The following MEIS2 variants were observed in gnomAD, a reference collection of about 807,000 sequenced individuals.
MEIS2 encodes homeobox protein Meis2.
In MEIS2, 9 loss-of-function variants were observed where a neutral mutation model predicts 58.6. The ratio of observed to expected loss-of-function variants is 0.15; its 90% CI spans 0.09 to 0.27. MEIS2 has a LOEUF of 0.27. Ranked by LOEUF, MEIS2 falls within the 10% of genes least tolerant of loss-of-function variation. The pLI, the probability that MEIS2 is intolerant of heterozygous loss-of-function variation, is 1.00. For synonymous variants in MEIS2, 221 were observed against 228.4 expected (o/e 0.97, Z 0.29); for missense variants, 427 against 635.0 (o/e 0.67, Z 3.52).
At chr15:37,054,304 A>G (rs1052593815) in intron 7 of MEIS2, among the ~76,000 whole-genome samples, 2 of 152,208 alleles carry the variant, frequency 1.3e-5, no homozygotes, top group African/African-American at 4.8e-5. Context: ...AGTAGAAATA[A>G]ATTCTAAAAA....
At chr15:36,929,815 G>A (rs1009700399) in intron 9 of MEIS2, among the ~76,000 whole-genome samples, 5 of 152,170 alleles carry the variant, frequency 3.3e-5, no homozygotes, top group Non-Finnish European at 7.3e-5. Context: ...ATTAGGATTG[G>A]TTTGGATTTT....
intron 7 of MEIS2, among the ~76,000 whole-genome samples, chr15:37,078,607 A>AAAAAAAAAAAAAAAAAAAAAAAAC (rs1891760933): frequency 6.5e-4 from 1 of 1,536 alleles, no homozygotes; most frequent in African/African-American, 8.9e-4. Flanking sequence ...AAAACAACCA[A>AAAAAAAAAAAAAAAAAAAAAAAAC]AAAAAAAAAA....
At chr15:37,081,189 T>C (rs146005511) in intron 7 of MEIS2, among the ~76,000 whole-genome samples, 31 of 152,346 alleles carry the variant, frequency 2.0e-4, no homozygotes, top group African/African-American at 7.0e-4. Context: ...TTTATCATAA[T>C]TTGTTTTGAA....
At chr15:36,990,069 C>G (rs1463566652) in intron 8 of MEIS2, among the ~76,000 whole-genome samples, 1 of 152,108 alleles carries the variant, frequency 6.6e-6, no homozygotes, top group South Asian at 2.1e-4. Flanking sequence ...CTCAGCCTCC[C>G]AAGTAGCTGG....
At chr15:36,968,484 G>A (rs1436251618) in intron 8 of MEIS2, among the ~76,000 whole-genome samples, 1 of 152,192 alleles carries the variant, frequency 6.6e-6, no homozygotes, top group East Asian at 1.9e-4. Context: ...AGGAGAAGAG[G>A]TGGAGAGGCG....
chr15:36,918,408 A>T (rs1851209404), intron 9 of MEIS2, among the ~76,000 whole-genome samples: 1 of 128,508 alleles, frequency 7.8e-6, no homozygotes, highest in Non-Finnish European at 1.9e-5. Flanking sequence ...TAACCTGAAG[A>T]TGCAATGTGA....
rs142574964 is a variant in MEIS2 at position 37,038,218 on chromosome 15, T to C, written c.755-1259A>G. Among the ~76,000 whole-genome samples the C allele has an allele frequency of 1.4e-4, 22 of 152,330 alleles. No individual in the cohort carries two copies. The East Asian group carries it at 4.3e-3, about 29-fold the overall frequency. On this transcript the variant is annotated intron_variant, in intron 7 of 11. Coordinates refer to ENST00000561208, the MANE Select transcript of MEIS2 (RefSeq NM_170675.5). ...CTAAAACAATAAACTCTGTGCTCAA[T>C]GTAGCCTGAGCTGGATGCTCTGTAG...
At chr15:37,037,038 C>T (rs2062186430) in intron 7 of MEIS2, 79 bp from the exon 8 acceptor site, 8 of 1,366,806 alleles carry the variant, frequency 5.9e-6, no homozygotes, top group Non-Finnish European at 7.9e-6. Flanking sequence ...ATGAGCTCAG[C>T]TAAGCTTGTT....
At chr15:37,070,792 T>C (rs186685976) in intron 7 of MEIS2, among the ~76,000 whole-genome samples, 47 of 152,222 alleles carry the variant, frequency 3.1e-4, no homozygotes, top group Middle Eastern at 3.4e-3. Context: ...GTTTCTAGAA[T>C]GGTGTCACAT....
chr15:37,081,254 C>T (rs747262125), intron 7 of MEIS2, among the ~76,000 whole-genome samples: 22 of 152,160 alleles, frequency 1.4e-4, no homozygotes, highest in African/African-American at 3.1e-4. Context: ...ATTCTGAATG[C>T]GAAAACTCTT....
intron 8 of MEIS2, among the ~76,000 whole-genome samples, chr15:36,964,803 G>A: frequency 6.6e-6 from 1 of 152,154 alleles, no homozygotes; most frequent in Non-Finnish European, 1.5e-5. Context: ...GTGCTATGGT[G>A]TCATCAGGTC....
intron 9 of MEIS2, among the ~76,000 whole-genome samples, chr15:36,932,578 C>G (rs1375008913): frequency 1.3e-5 from 2 of 152,018 alleles, no homozygotes; most frequent in African/African-American, 4.8e-5. Flanking sequence ...TTGTTGCTGG[C>G]TTTTGTTCAT....
intron 9 of MEIS2, among the ~76,000 whole-genome samples, chr15:36,911,202 A>AT (rs2057005014): frequency 6.6e-6 from 1 of 152,066 alleles, no homozygotes; most frequent in Non-Finnish European, 1.5e-5. Flanking sequence ...ATCATTGGGT[A>AT]TTTTACTATG....
chr15:36,920,118 TTTTATTTATTTATTTATTTATTTA>T (rs199959581), intron 9 of MEIS2, among the ~76,000 whole-genome samples: 3 of 134,640 alleles, frequency 2.2e-5, no homozygotes, highest in African/African-American at 7.5e-5. Context: ...CCTATACTGC[TTTTATTTATTTATTTATTTATTTA>T]TTTATTTATT....
At chr15:36,950,535 T>C in intron 8 of MEIS2, 135 bp from the exon 9 acceptor site, 1 of 793,208 alleles carries the variant, frequency 1.3e-6, no homozygotes, top group Non-Finnish European at 2.0e-6. Flanking sequence ...TTTTATCATG[T>C]GTTGAGAAAT....
intron 7 of MEIS2, among the ~76,000 whole-genome samples, chr15:37,053,057 T>G (rs2062991244): frequency 6.6e-6 from 1 of 152,162 alleles, no homozygotes; most frequent in African/African-American, 2.4e-5. Context: ...TGTAAAGGTT[T>G]TTGTTTGAGA....
chr15:36,896,532 G>T, intron 10 of MEIS2, 96 bp downstream of exon 10: 1 of 947,084 alleles, frequency 1.1e-6, no homozygotes, highest in Non-Finnish European at 1.5e-6. Flanking sequence ...ATGCCTGGTG[G>T]AAGCACTTAT....
chr15:37,065,151 G>A (rs1889745877), intron 7 of MEIS2, among the ~76,000 whole-genome samples: 1 of 152,152 alleles, frequency 6.6e-6, no homozygotes, highest in Admixed American at 6.5e-5. Context: ...AGTGCATAAT[G>A]TAAATTCTGG....
chr15:36,895,038 C>A lies in MEIS2; in HGVS notation c.1147+113G>T. 4.0e-6 allele frequency: 4 copies of A among 988,174 alleles called. No homozygotes were observed. The South Asian group carries it at 6.1e-5, about 15-fold the overall frequency. 61.2% of individuals were successfully genotyped at this position (988,174 alleles called of 1,614,324 possible). ...ATGTAAAGAAAGCAGGCAGAGCAGGCAGCAGGCAAATGTTAAACCCACCAT... is the reference window on the plus strand; with the variant it reads ...ATGTAAAGAAAGCAGGCAGAGCAGGAAGCAGGCAAATGTTAAACCCACCAT... On this transcript the variant is annotated intron_variant, in intron 11 of 11. Coordinates refer to ENST00000561208, the MANE Select transcript of MEIS2 (RefSeq NM_170675.5).
Sources: gnomAD v4.1 joint callset for allele counts (sites outside exome capture counted in the v4.1 genomes callset) on GRCh38, gnomAD v4.1.1 for gene constraint, MANE v1.5 for transcripts, NCBI Gene and HGNC (gene_info 2026-07-23, HGNC 2026-07-21) for gene names.